ELP1: variants seen among roughly 807,000 people sequenced by gnomAD.
ELP1 encodes elongator acetyltransferase complex subunit 1, also known as elongator complex protein 1.
A neutral mutation model predicts 183.2 loss-of-function variants in ELP1; 131 were observed. The ratio of observed to expected loss-of-function variants is 0.72; its 90% CI spans 0.62 to 0.83. The LOEUF is 0.83. Among genes scored for constraint, ELP1 ranks in the 40% least tolerant of loss-of-function variants. ELP1 has a pLI of 0.00. For synonymous variants in ELP1, 555 were observed against 569.0 expected (o/e 0.98, Z 0.35); for missense variants, 1,550 against 1,594.9 (o/e 0.97, Z 0.48).
chr9:108,927,351 A>T (rs1829852929), intron 4 of ELP1, 21 bp downstream of exon 4: 1 of 1,586,628 alleles, frequency 6.3e-7, no homozygotes, highest in South Asian at 1.1e-5. Flanking sequence ...AAAGCCAGTG[A>T]GGCACCAGTA....
Position 108,901,664 on chromosome 9 carries a change from C to T in ELP1, c.1872G>A (p.Leu624=). ...MIGEEECVLG[L]TDRCRFFIND... Reference sequence around the variant, plus strand: ...TGATGAAAAAGCGACACCTGTCAGTCAGACCAAGGACACATTCCTGCAAAG... The same window carrying T: ...TGATGAAAAAGCGACACCTGTCAGTTAGACCAAGGACACATTCCTGCAAAG... The change falls in exon 17 of 37, where the codon CTG becomes CTA. Residue 624 remains leucine, a synonymous_variant. Coordinates refer to ENST00000374647, the MANE Select transcript of ELP1 (RefSeq NM_003640.5). 4 of 1,614,174 alleles carry T rather than the reference C, an allele frequency of 2.5e-6. No individual in the cohort carries two copies. The highest frequency in any genetic ancestry group is 3.4e-6 in the Non-Finnish European group (4 of 1,179,982).
intron 18 of ELP1, 103 bp from the exon 19 acceptor site, chr9:108,900,478 T>A: frequency 1.2e-6 from 1 of 845,180 alleles, no homozygotes; most frequent in Non-Finnish European, 2.0e-6. Context: ...AGAGAACAAA[T>A]AACAACCATG....
In ELP1 at chr9:108,906,608, A is replaced by G. The variant is rs765186747; in HGVS notation, c.1461-123T>C. 54 of 747,886 alleles carry G rather than the reference A, an allele frequency of 7.2e-5. No homozygotes were observed. The Admixed American group carries it at 8.8e-4, about 12-fold the overall frequency. 46.3% of individuals were successfully genotyped at this position (747,886 alleles called of 1,614,324 possible). On this transcript the variant is annotated intron_variant, in intron 13 of 36. Transcript: ENST00000374647. ...TCCACTCCTAATTATTTGGAGGGAC[A>G]AAACCTGAGATACTACCAAATACTA...
At chr9:108,924,538 G>A (rs1829767209) in intron 5 of ELP1, among the ~76,000 whole-genome samples, 1 of 152,108 alleles carries the variant, frequency 6.6e-6, no homozygotes, top group Non-Finnish European at 1.5e-5. Flanking sequence ...AAAGTATACT[G>A]TGTGCTGTTA....
chr9:108,891,244 A>C lies in ELP1; in HGVS notation c.3119T>G (p.Phe1040Cys), dbSNP rs1032844917. 1.2e-6 allele frequency: 2 copies of C among 1,614,088 alleles called. No individual in the cohort carries two copies. The highest frequency in any genetic ancestry group is 1.7e-5 in the Admixed American group (1 of 60,008). The change falls in exon 28 of 37, where the codon TTT (phenylalanine) becomes TGT (cysteine). Residue 1040 changes from phenylalanine (F) to cysteine (C), a missense_variant. Phe to Cys is a radical substitution (Grantham distance 205, BLOSUM62 -2). Transcript: ENST00000374647. ...QALCVAAQLN[F>C]TKDQLVGLGR... is the part of the protein sequence containing the mutation. Reference sequence around the variant, plus strand: ...GAGGCCCACCAGCTGGTCTTTGGTAAAGTTAAGCTGGGCTGCCACACAGAG... The same window carrying C: ...GAGGCCCACCAGCTGGTCTTTGGTACAGTTAAGCTGGGCTGCCACACAGAG...
chr9:108,905,487 C>A (rs1272335922), intron 14 of ELP1, among the ~76,000 whole-genome samples: 1 of 152,056 alleles, frequency 6.6e-6, no homozygotes, highest in Non-Finnish European at 1.5e-5. Context: ...GCCCAGAGAA[C>A]AGTGAAATTT....
At chr9:108,900,840 G>A (rs1396738910) in intron 18 of ELP1, among the ~76,000 whole-genome samples, 7 of 48,558 alleles carry the variant, frequency 1.4e-4, no homozygotes, top group South Asian at 8.5e-4. Context: ...ACACATACAC[G>A]CCACACACAC....
At chr9:108,921,759 T>A (rs576807155) in intron 6 of ELP1, among the ~76,000 whole-genome samples, 1 of 152,250 alleles carries the variant, frequency 6.6e-6, no homozygotes, top group Non-Finnish European at 1.5e-5. Flanking sequence ...GCTTTCAGAA[T>A]GTTAAATTAG....
rs372511606 is a variant in ELP1, at chr9:108,911,092, T to C, written c.1278A>G (p.Gln426=). The part of the protein sequence containing the change: ...YQLLFPHPVN[Q]VTFLAHPQKS... ...TTTGAGGGTGTGCTAAGAATGTGAC[T>C]TGATTCACAGGGTGTGGGAACAGCA... is the stretch of plus-strand genomic sequence containing the variant. Residue 426 remains glutamine (Q), a synonymous_variant, in exon 12 of 37, where the codon CAA becomes CAG. Coordinates refer to ENST00000374647, the MANE Select transcript of ELP1 (RefSeq NM_003640.5). 8.1e-6 allele frequency: 13 copies of C among 1,614,022 alleles called. No individual in the cohort carries two copies. Among genetic ancestry groups the C allele is most frequent in the Middle Eastern group, 1.6e-4 (1 of 6,084 alleles).
chr9:108,925,062 C>T (rs777806997), intron 5 of ELP1, among the ~76,000 whole-genome samples: 2 of 152,144 alleles, frequency 1.3e-5, no homozygotes, highest in Non-Finnish European at 2.9e-5. Flanking sequence ...TGAATGATTC[C>T]TGCTTCTAGC....
rs184739734 is a variant in ELP1 at position 108,919,285 on chromosome 9, A to C, written c.617T>G (p.Phe206Cys). The C allele has an allele frequency of 8.0e-5, 129 of 1,613,798 alleles. No homozygotes were observed. In the East Asian group the frequency reaches 2.1e-3, roughly 26 times the overall value. Residue 206 changes from phenylalanine to cysteine, a missense_variant, in exon 7 of 37, where the codon TTT becomes TGT. Coordinates refer to ENST00000374647, the MANE Select transcript of ELP1 (RefSeq NM_003640.5). The part of the protein sequence containing the change: ...PQVTWRGDGQ[F>C]FAVSVVCPET... The stretch of plus-strand genomic sequence containing the variant: ...TGGGCAAACAACACTCACAGCAAAA[A>C]ACTGTCCATCCCCCCGCCAGGTAAC...
At chr9:108,870,922 C>T (rs1233887710) in intron 36 of ELP1, among the ~76,000 whole-genome samples, 2 of 151,206 alleles carry the variant, frequency 1.3e-5, no homozygotes, top group East Asian at 1.9e-4. Flanking sequence ...ATGTCTATCA[C>T]CTCTTGAATT....
intron 11 of ELP1, 78 bp downstream of exon 11, chr9:108,912,186 C>T: frequency 9.2e-7 from 1 of 1,084,324 alleles, no homozygotes; most frequent in East Asian, 2.4e-5. Context: ...CCCCACTGTT[C>T]CAGTCAAACC....
At position 108,912,313 on chromosome 9, in the gene ELP1, G is replaced by A. The variant is rs771575205; in HGVS notation, c.1140C>T (p.Ser380=). Residue 380 remains serine, a synonymous_variant, in exon 11 of 37, where the codon AGC becomes AGT. Transcript: ENST00000374647. The part of the protein sequence containing the change: ...AYDWHWTTDR[S]VGDNSSDLSN... ...ACAAGTCACTTGAATTATCTCCCAC[G>A]CTCCGGTCAGTCGTCCAGTGCCAAT... 6.8e-6 allele frequency: 11 copies of A among 1,613,926 alleles called. No homozygotes were observed. In the African/African-American group the frequency reaches 9.3e-5, roughly 14 times the overall value.
At chr9:108,928,240 G>A (rs1829881496) in intron 3 of ELP1, among the ~76,000 whole-genome samples, 2 of 152,068 alleles carry the variant, frequency 1.3e-5, no homozygotes, top group Non-Finnish European at 2.9e-5. Flanking sequence ...TTCAGTAATG[G>A]ATATCAAGAG....
At chr9:108,874,630 G>A (rs1827627281) in intron 36 of ELP1, among the ~76,000 whole-genome samples, 1 of 152,182 alleles carries the variant, frequency 6.6e-6, no homozygotes, top group African/African-American at 2.4e-5. Flanking sequence ...GTGCCTTTAT[G>A]AACAAGCATA....
chr9:108,909,593 C>A (rs995238748), intron 12 of ELP1, among the ~76,000 whole-genome samples: 1 of 152,176 alleles, frequency 6.6e-6, no homozygotes, highest in Admixed American at 6.5e-5. Context: ...GGTTCTTTAA[C>A]TTCTCAGGGT....
In ELP1 at chr9:108,868,794, T is replaced by A; in HGVS notation, c.*321A>T. On this transcript the variant is annotated 3_prime_UTR_variant, in exon 37 of 37. Coordinates refer to ENST00000374647, the MANE Select transcript of ELP1 (RefSeq NM_003640.5). ...CATTGTTTTACTTGTCTTCACACTT[T>A]GGAGGTAGAAATCATGAAACATTAA... is the stretch of plus-strand genomic sequence containing the variant. 1 of 578,090 alleles carries A rather than the reference T, an allele frequency of 1.7e-6. No homozygotes were observed. The highest frequency in any genetic ancestry group is 3.1e-6 in the Non-Finnish European group (1 of 326,102). The allele number at this position is 578,090 out of a possible 1,614,324, so 35.8% of individuals were successfully genotyped here. A position where few individuals can be genotyped will look rare whatever the true frequency, so the allele number is the denominator to read the frequency against.
intron 28 of ELP1, 135 bp downstream of exon 28, chr9:108,891,068 T>C: frequency 2.3e-6 from 2 of 861,410 alleles, no homozygotes; most frequent in Non-Finnish European, 3.8e-6. Flanking sequence ...TAAAGCATTC[T>C]AAATTAATTT....
Sources: allele counts gnomAD v4.1 joint callset (sites outside exome capture counted in the v4.1 genomes callset), GRCh38; gene constraint gnomAD v4.1.1; transcripts MANE v1.5; gene names NCBI Gene and HGNC (gene_info 2026-07-23, HGNC 2026-07-21).